Variants in UGT1A6 observed in about 807,000 individuals in gnomAD.
UGT1A6 encodes UDP-glucuronosyltransferase 1A6.
UGT1A6 carries 32 observed loss-of-function variants against 44.4 expected under a neutral mutation model. The ratio of observed to expected loss-of-function variants is 0.72; its 90% CI spans 0.54 to 0.97. The LOEUF is 0.97. UGT1A6 is among the 50% of genes least tolerant of loss of function. The pLI, the probability that UGT1A6 is intolerant of heterozygous loss-of-function variation, is 0.00. For synonymous variants in UGT1A6, 238 were observed against 248.5 expected (o/e 0.96, Z 0.40); for missense variants, 685 against 661.9 (o/e 1.03, Z -0.38).
chr2:233,748,097 C>T (rs1693865364), intron 1 of UGT1A6: 9 of 1,612,658 alleles, frequency 5.6e-6, no homozygotes, highest in Admixed American at 1.7e-5. Flanking sequence ...TTCGTGCCTT[C>T]ATCCAATCAA....
intron 1 of UGT1A6, chr2:233,743,629 T>A (rs570829500): frequency 7.3e-7 from 1 of 1,367,190 alleles, no homozygotes; most frequent in Non-Finnish European, 9.8e-7. Context: ...AGACGTCGGC[T>A]GGGTCGCGGA....
At position 233,769,478 on chromosome 2, in the gene UGT1A6, TGC is replaced by T; in HGVS notation, c.1301+1041_1301+1042del. The stretch of plus-strand genomic sequence containing the variant: ...GCATTCATATGCGTGTGTGTGTGTG[TGC>T]GTGTGTTTATGAGAGTGTCCATTGC... On this transcript the variant is annotated intron_variant, in intron 4 of 4. Transcript: ENST00000305139. The surrounding 1 kb of genome is among the most constrained non-coding windows in gnomAD (Gnocchi z 4.4). 2 of 1,611,018 alleles carry T rather than the reference TGC, an allele frequency of 1.2e-6. No individual in the cohort carries two copies. Among genetic ancestry groups the T allele is most frequent in the South Asian group, 1.1e-5 (1 of 90,926 alleles).
chr2:233,755,078 GA>G (rs1559400130), intron 1 of UGT1A6: 1 of 1,336,544 alleles, frequency 7.5e-7, no homozygotes, highest in South Asian at 1.1e-5. Flanking sequence ...AGCGGTCATA[GA>G]TATCGCGTTT....
rs146704558 is a variant in UGT1A6 at position 233,766,504 on chromosome 2, T to C, written c.862-530T>C. On this transcript the variant is annotated intron_variant, in intron 1 of 4. Transcript: ENST00000305139. ...ATGGGGGCGTGGCAGGCCAGGGTGGTTTTGGGAAATGAAACATTTAGGCAG... is the reference window on the plus strand; with the variant it reads ...ATGGGGGCGTGGCAGGCCAGGGTGGCTTTGGGAAATGAAACATTTAGGCAG... Among the ~76,000 whole-genome samples the C allele has an allele frequency of 2.3e-3, 343 of 152,096 alleles. 3 individuals are homozygous for C. The highest frequency in any genetic ancestry group is 7.9e-3 in the African/African-American group (327 of 41,494).
In UGT1A6 at chr2:233,692,951, T is replaced by G. The variant is rs2075122028; in HGVS notation, c.-54T>G. ...TTAGGGAAAATACCTAGGAGCCCTG[T>G]GATTTGGAGAGTGAAAACTCTTTAT... On this transcript the variant is annotated 5_prime_UTR_variant, in exon 1 of 5. Coordinates refer to ENST00000305139, the MANE Select transcript of UGT1A6 (RefSeq NM_001072.4). The G allele has an allele frequency of 6.2e-7, 1 of 1,602,764 alleles. No individual in the cohort carries two copies. Among genetic ancestry groups the G allele is most frequent in the East Asian group, 2.2e-5 (1 of 44,878 alleles).
At chr2:233,712,536 G>A (rs888571538) in intron 1 of UGT1A6, among the ~76,000 whole-genome samples, 10 of 152,228 alleles carry the variant, frequency 6.6e-5, no homozygotes, top group African/African-American at 2.4e-4. Context: ...TTACCCATAT[G>A]TGGGAAGAAA....
In UGT1A6 at chr2:233,767,159, T is replaced by G. The variant is rs1291449017; in HGVS notation, c.987T>G (p.Pro329=). 1.2e-6 allele frequency: 2 copies of G among 1,613,988 alleles called. No homozygotes were observed. Among genetic ancestry groups the G allele is most frequent in the East Asian group, 4.5e-5 (2 of 44,876 alleles). ...TTGCTGATGCTTTGGGCAAAATCCCTCAGACAGTAAGAAGATTCTATACCA... is the reference window on the plus strand; with the variant it reads ...TTGCTGATGCTTTGGGCAAAATCCCGCAGACAGTAAGAAGATTCTATACCA... ...MAIADALGKI[P]QTVLWRYTGT... Residue 329 remains proline (P), a synonymous_variant, in exon 2 of 5, where the codon CCT becomes CCG. Coordinates refer to ENST00000305139, the MANE Select transcript of UGT1A6 (RefSeq NM_001072.4).
rs753419237 is a variant in UGT1A6, at chr2:233,719,511, T to C, written c.861+25646T>C. The C allele has an allele frequency of 5.6e-6, 9 of 1,613,954 alleles. No individual in the cohort carries two copies. The South Asian group carries it at 8.8e-5, about 16-fold the overall frequency. On this transcript the variant is annotated intron_variant, in intron 1 of 4. Coordinates refer to ENST00000305139, the MANE Select transcript of UGT1A6 (RefSeq NM_001072.4). ...CATTTGCCATACTTTTTCTGCCCCTTATGCAAGTCTTGCCTCTGAGCTTTT... is the reference window on the plus strand; with the variant it reads ...CATTTGCCATACTTTTTCTGCCCCTCATGCAAGTCTTGCCTCTGAGCTTTT...
In UGT1A6 at chr2:233,719,593, G is replaced by A. The variant is rs760663829; in HGVS notation, c.861+25728G>A. 68 of 1,613,802 alleles carry A rather than the reference G, an allele frequency of 4.2e-5. No homozygotes were observed. The South Asian group carries it at 4.3e-4, about 10-fold the overall frequency. On this transcript the variant is annotated intron_variant, in intron 1 of 4. Coordinates refer to ENST00000305139, the MANE Select transcript of UGT1A6 (RefSeq NM_001072.4). ...AGCTATGCATCCGTGTGGCTGTTCC[G>A]AGGGGACTTTGTGATGGACTACCCC...
At chr2:233,706,327 CA>C (rs1479575351) in intron 1 of UGT1A6, among the ~76,000 whole-genome samples, 1 of 152,160 alleles carries the variant, frequency 6.6e-6, no homozygotes, top group Non-Finnish European at 1.5e-5. Context: ...TGGAACTATT[CA>C]AGCTGGTGAC....
rs556800643 is a variant in UGT1A6 at position 233,745,736 on chromosome 2, G to A, written c.862-21298G>A. 8.6e-5 allele frequency among the ~76,000 whole-genome samples: 13 copies of A among 150,680 alleles called. No individual in the cohort carries two copies. The South Asian group carries it at 2.5e-3, about 29-fold the overall frequency. ...GAATGGCTGGAGGGTAAGAGGCAGA[G>A]GGAGGGGGCAAGCAGAAGGGGTGGA... On this transcript the variant is annotated intron_variant, in intron 1 of 4. Coordinates refer to ENST00000305139, the MANE Select transcript of UGT1A6 (RefSeq NM_001072.4).
chr2:233,713,979 T>G lies in UGT1A6; in HGVS notation c.861+20114T>G. 2.5e-6 allele frequency: 4 copies of G among 1,594,106 alleles called. No individual in the cohort carries two copies. In the South Asian group the frequency reaches 4.6e-5, roughly 18 times the overall value. On this transcript the variant is annotated intron_variant, in intron 1 of 4. Coordinates refer to ENST00000305139, the MANE Select transcript of UGT1A6 (RefSeq NM_001072.4). ...CCAAAGATTTCATTTCTGCTTCTCATTGTTGTAATAGTCTTCAGTGAGATA... is the reference window on the plus strand; with the variant it reads ...CCAAAGATTTCATTTCTGCTTCTCAGTGTTGTAATAGTCTTCAGTGAGATA...
intron 1 of UGT1A6, among the ~76,000 whole-genome samples, chr2:233,722,279 AT>A (rs1210405626): frequency 6.6e-6 from 1 of 152,090 alleles, no homozygotes; most frequent in Non-Finnish European, 1.5e-5. Flanking sequence ...TATTACATTG[AT>A]TTCCTTTGTT....
intron 1 of UGT1A6, among the ~76,000 whole-genome samples, chr2:233,762,044 CATTTTCCTTCATAGCACATCAAATA>C (rs1208875045): frequency 1.3e-5 from 2 of 152,198 alleles, no homozygotes; most frequent in East Asian, 1.9e-4. Context: ...ATTTTCTGTG[CATTTTCCTTCATAGCACATCAAATA>C]TGGCAGCCAT....
intron 1 of UGT1A6, among the ~76,000 whole-genome samples, chr2:233,725,759 T>G (rs1335520276): frequency 6.6e-6 from 1 of 152,194 alleles, no homozygotes; most frequent in Non-Finnish European, 1.5e-5. Context: ...GACTTACATT[T>G]TCTTCACATA....
chr2:233,764,888 C>G (rs1553621888), intron 1 of UGT1A6, among the ~76,000 whole-genome samples: 1 of 147,412 alleles, frequency 6.8e-6, no homozygotes, highest in Non-Finnish European at 1.5e-5. Context: ...AAGGCAAAGA[C>G]AAAGCCCTTA....
chr2:233,760,682 A>G lies in UGT1A6; in HGVS notation c.862-6352A>G. On this transcript the variant is annotated intron_variant, in intron 1 of 4. Transcript: ENST00000305139. ...TTGTCTGGCTGTTCCCACTTACTGC[A>G]CAACAAGGAGCTCATGGCCTCCCTG... The G allele has an allele frequency of 6.2e-7, 1 of 1,614,208 alleles. No homozygotes were observed. The highest frequency in any genetic ancestry group is 1.1e-5 in the South Asian group (1 of 91,088).
At position 233,721,294 on chromosome 2, in the gene UGT1A6, T is replaced by C. The variant is rs555243942; in HGVS notation, c.861+27429T>C. On this transcript the variant is annotated intron_variant, in intron 1 of 4. Coordinates refer to ENST00000305139, the MANE Select transcript of UGT1A6 (RefSeq NM_001072.4). ...AAAAATGTGGAAAATTAGGAAGGCATTTGAATAGTGATTGTGGCTCTTTTC... is the reference window on the plus strand; with the variant it reads ...AAAAATGTGGAAAATTAGGAAGGCACTTGAATAGTGATTGTGGCTCTTTTC... Among the ~76,000 whole-genome samples, 3 of 152,308 alleles carry C rather than the reference T, an allele frequency of 2.0e-5. No homozygotes were observed. In the East Asian group the frequency reaches 5.8e-4, roughly 29 times the overall value.
intron 1 of UGT1A6, among the ~76,000 whole-genome samples, chr2:233,764,304 G>T (rs1377470557): frequency 6.6e-6 from 1 of 152,130 alleles, no homozygotes; most frequent in Non-Finnish European, 1.5e-5. Context: ...TCAGGGTGAA[G>T]TTTAAGGGAA....
Sources: allele counts gnomAD v4.1 joint callset (sites outside exome capture counted in the v4.1 genomes callset), GRCh38; gene constraint gnomAD v4.1.1; non-coding constraint Gnocchi (gnomAD v3.1); transcripts MANE v1.5; gene names NCBI Gene and HGNC (gene_info 2026-07-23, HGNC 2026-07-21).